Variants in PKP4 observed in about 807,000 individuals in gnomAD.
PKP4 encodes plakophilin 4.
In PKP4, 90 loss-of-function variants were observed where a neutral mutation model predicts 145.1. The observed-to-expected ratio is 0.62, with a 90% CI of 0.52 to 0.74. PKP4 has a LOEUF of 0.74. Among genes scored for constraint, PKP4 ranks in the 30% least tolerant of loss-of-function variants. The pLI is 0.00. For synonymous variants in PKP4, 563 were observed against 577.2 expected, an observed-to-expected ratio of 0.98 and a Z score of 0.35; for missense variants, 1,340 against 1,482.7, an observed-to-expected ratio of 0.90 and a Z score of 1.58.
chr2:158,585,906 A>AC (rs3048027), intron 3 of PKP4, among the ~76,000 whole-genome samples: 11 of 148,656 alleles, frequency 7.4e-5, no homozygotes, highest in South Asian at 6.4e-4. Context: ...AAAAAAAAAA[A>AC]CCCTCTAGCC....
intron 1 of PKP4, among the ~76,000 whole-genome samples, chr2:158,495,080 C>T (rs982847770): frequency 2.6e-5 from 4 of 151,740 alleles, no homozygotes; most frequent in South Asian, 2.1e-4. Flanking sequence ...TAGCCGGGCA[C>T]GGTGGCGGGC....
chr2:158,614,669 A>T (rs1489454974), intron 4 of PKP4, among the ~76,000 whole-genome samples: 1 of 152,226 alleles, frequency 6.6e-6, no homozygotes, highest in East Asian at 1.9e-4. Context: ...AAAGCCACTT[A>T]TGCATGATAT....
At chr2:158,485,866 T>TTAA (rs1694093896) in intron 1 of PKP4, among the ~76,000 whole-genome samples, 5 of 152,234 alleles carry the variant, frequency 3.3e-5, no homozygotes. Context: ...TTAATGTCAA[T>TTAA]AATTAAAATA....
chr2:158,573,799 A>G (rs2047609117), intron 2 of PKP4, among the ~76,000 whole-genome samples: 1 of 152,358 alleles, frequency 6.6e-6, no homozygotes, highest in East Asian at 1.9e-4. Context: ...AATCAGGCTG[A>G]CAAAGCCTTG....
intron 1 of PKP4, among the ~76,000 whole-genome samples, chr2:158,501,688 G>A (rs941618296): frequency 3.3e-5 from 5 of 152,214 alleles, no homozygotes; most frequent in African/African-American, 9.6e-5. Flanking sequence ...AGATGTAAAC[G>A]CCTCAGTGAG....
intron 2 of PKP4, among the ~76,000 whole-genome samples, chr2:158,572,691 C>T (rs76510684): frequency 1.2e-3 from 178 of 152,184 alleles, no homozygotes; most frequent in Non-Finnish European, 1.6e-3. Flanking sequence ...CATTTTCCCC[C>T]GATAGTTACG....
chr2:158,530,808 C>G (rs990646968), intron 1 of PKP4, among the ~76,000 whole-genome samples: 1 of 152,034 alleles, frequency 6.6e-6, no homozygotes, highest in African/African-American at 2.4e-5. Flanking sequence ...TCATGGTTGC[C>G]TGTGGTGTGT....
At chr2:158,484,379 C>G (rs2105444966) in intron 1 of PKP4, among the ~76,000 whole-genome samples, 1 of 152,324 alleles carries the variant, frequency 6.6e-6, no homozygotes, top group Non-Finnish European at 1.5e-5. Context: ...TGAATCCGTG[C>G]TAACTCAGCG....
At chr2:158,642,811 G>GAT in intron 11 of PKP4, 112 bp downstream of exon 11, 1 of 692,078 alleles carries the variant, frequency 1.4e-6, no homozygotes, top group Non-Finnish European at 2.4e-6. Flanking sequence ...TAGATAATGA[G>GAT]ATATATATAG....
At chr2:158,491,481 T>G (rs1694929404) in intron 1 of PKP4, among the ~76,000 whole-genome samples, 2 of 152,110 alleles carry the variant, frequency 1.3e-5, no homozygotes, top group South Asian at 4.1e-4. Context: ...ATCTGCTTGT[T>G]ATCTTTTTTT....
chr2:158,611,478 C>G (rs1001224782), intron 4 of PKP4, among the ~76,000 whole-genome samples: 1 of 152,104 alleles, frequency 6.6e-6, no homozygotes, highest in Non-Finnish European at 1.5e-5. Flanking sequence ...ACATCAATAC[C>G]GAAGATAAAT....
chr2:158,551,588 A>G (rs2045629034), intron 2 of PKP4, among the ~76,000 whole-genome samples: 1 of 152,252 alleles, frequency 6.6e-6, no homozygotes, highest in South Asian at 2.1e-4. Context: ...ATTTTCCTAA[A>G]GAGTAATTTC....
At chr2:158,542,143 A>G (rs554426505) in intron 2 of PKP4, among the ~76,000 whole-genome samples, 39 of 152,142 alleles carry the variant, frequency 2.6e-4, no homozygotes, top group Non-Finnish European at 5.0e-4. Context: ...GCTGCCTTAT[A>G]CACCCCATGG....
At chr2:158,592,214 T>G (rs2049327526) in intron 3 of PKP4, among the ~76,000 whole-genome samples, 1 of 151,886 alleles carries the variant, frequency 6.6e-6, no homozygotes, top group Non-Finnish European at 1.5e-5. Context: ...ACCAGAGTGG[T>G]GGGTAAGGGG....
intron 19 of PKP4, among the ~76,000 whole-genome samples, chr2:158,674,618 C>A (rs578224381): frequency 1.3e-5 from 2 of 152,280 alleles, no homozygotes; most frequent in South Asian, 2.1e-4. Flanking sequence ...GGAATCCTGG[C>A]AACCATACTA....
At chr2:158,669,015 T>A (rs1344563561) in intron 16 of PKP4, 1 of 152,224 alleles carries the variant, frequency 6.6e-6, no homozygotes, top group Non-Finnish European at 1.5e-5. Flanking sequence ...TCAGTATCTA[T>A]AAAGAAATAC....
At chr2:158,597,437 C>T (rs1281995621) in intron 3 of PKP4, among the ~76,000 whole-genome samples, 2 of 152,172 alleles carry the variant, frequency 1.3e-5, no homozygotes, top group Non-Finnish European at 2.9e-5. Flanking sequence ...AAGAAGGCTG[C>T]AGTCTGCTAG....
chr2:158,625,814 T>G (rs566600315), intron 7 of PKP4, among the ~76,000 whole-genome samples: 4 of 152,252 alleles, frequency 2.6e-5, no homozygotes, highest in South Asian at 4.1e-4. Context: ...TGTTAAAAGG[T>G]GGTATCAGAA....
chr2:158,681,080 T>G lies in PKP4; in HGVS notation c.*403T>G. 6.1e-6 allele frequency: 1 copy of G among 163,620 alleles called. No homozygotes were observed. The allele number at this position is 163,620 out of a possible 1,614,324, so 10.1% of individuals were successfully genotyped here. A position where few individuals can be genotyped will look rare whatever the true frequency, so the allele number is the denominator to read the frequency against. On this transcript the variant is annotated 3_prime_UTR_variant, in exon 22 of 22. Transcript: ENST00000389759. ...GATGCCCATGTTTTATTGCTATTAC[T>G]AAATGTCAAGATTGTATGCTATTAT... is the stretch of plus-strand genomic sequence containing the variant.
Sources: allele counts gnomAD v4.1 joint callset (sites outside exome capture counted in the v4.1 genomes callset), GRCh38; gene constraint gnomAD v4.1.1; transcripts MANE v1.5; gene names NCBI Gene and HGNC (gene_info 2026-07-23, HGNC 2026-07-21).